The following CD99L2 variants were observed in gnomAD, a reference collection of about 807,000 sequenced individuals.
CD99L2 encodes CD99 molecule like 2.
A neutral mutation model predicts 27.3 loss-of-function variants in CD99L2; 24 were observed. The ratio of observed to expected loss-of-function variants is 0.88; its 90% CI spans 0.64 to 1.24. The LOEUF (loss-of-function observed/expected upper bound fraction) is 1.24. Ranked by LOEUF, CD99L2 falls within the 50% of genes most tolerant of loss-of-function variation. The pLI is 0.00. For synonymous variants in CD99L2, 97 were observed against 87.9 expected, an observed-to-expected ratio of 1.10 and a Z score of -0.58; for missense variants, 255 against 221.6, an observed-to-expected ratio of 1.15 and a Z score of -0.96.
At chrX:150,833,054 CAAA>C (rs371565041) in intron 1 of CD99L2, among the ~76,000 whole-genome samples, 1 of 44,411 alleles carries the variant, frequency 2.3e-5, no homozygotes. Flanking sequence ...GACTCTGTCT[CAAA>C]AAAAAAAAAA....
In CD99L2 at chrX:150,771,870, T is replaced by C. The variant is rs782775158; in HGVS notation, c.656-1501A>G. 41 of 1,139,365 alleles carry C rather than the reference T, an allele frequency of 3.6e-5. No homozygotes were observed. The South Asian group carries it at 7.5e-4, about 21-fold the overall frequency. The allele number at this position is 1,139,365 out of a possible 1,213,427, so 93.9% of individuals were successfully genotyped here. On this transcript the variant is annotated intron_variant, in intron 9 of 10. Transcript: ENST00000370377. ...AGAATCCCTGGAGTAAGAGCGCTCC[T>C]GACAGCAAACATGCGGGCTTTCCAC...
At chrX:150,790,359 AAGC>A (rs1557419685) in intron 7 of CD99L2, among the ~76,000 whole-genome samples, 1 of 109,641 alleles carries the variant, frequency 9.1e-6, no homozygotes, top group Non-Finnish European at 1.9e-5. Context: ...TAATGCCTAC[AAGC>A]AGAAGAACAA....
chrX:150,879,077 G>T (rs184182025), intron 1 of CD99L2, among the ~76,000 whole-genome samples: 1 of 111,876 alleles, frequency 8.9e-6, no homozygotes, highest in East Asian at 2.8e-4. Context: ...GAGGTCACTG[G>T]TATCAATGAT....
chrX:150,866,412 T>C (rs1363607176), intron 1 of CD99L2, among the ~76,000 whole-genome samples: 2 of 111,699 alleles, frequency 1.8e-5, no homozygotes, highest in South Asian at 3.7e-4. Flanking sequence ...ATGTCAATAA[T>C]AAGAGAGGGA....
chrX:150,872,186 G>A (rs941913330), intron 1 of CD99L2, among the ~76,000 whole-genome samples: 1 of 110,868 alleles, frequency 9.0e-6, no homozygotes, highest in Non-Finnish European at 1.9e-5. Flanking sequence ...AGCTGTGATT[G>A]TGCCACTGTA....
intron 1 of CD99L2, among the ~76,000 whole-genome samples, chrX:150,861,678 G>A (rs951899768): frequency 9.0e-5 from 10 of 111,300 alleles, no homozygotes; most frequent in Admixed American, 2.9e-4. Context: ...TGAGGCAGGC[G>A]AATCACAAGG....
At chrX:150,864,173 T>C (rs782405611) in intron 1 of CD99L2, among the ~76,000 whole-genome samples, 8 of 112,033 alleles carry the variant, frequency 7.1e-5, no homozygotes, top group Admixed American at 1.9e-4. Context: ...ACAGGCTTCC[T>C]GGAAGCTAGG....
chrX:150,849,622 C>T (rs1364016089), intron 1 of CD99L2, among the ~76,000 whole-genome samples: 1 of 111,614 alleles, frequency 9.0e-6, no homozygotes, highest in African/African-American at 3.3e-5. Flanking sequence ...GTTGAGGCTG[C>T]AGTGAGCCAT....
intron 6 of CD99L2, among the ~76,000 whole-genome samples, chrX:150,794,935 G>T (rs1266817515): frequency 7.1e-5 from 8 of 112,687 alleles, no homozygotes; most frequent in Non-Finnish European, 1.3e-4. Context: ...TTAAATGTAT[G>T]GGTTTAATGT....
At chrX:150,802,727 A>G (rs1331958360) in intron 4 of CD99L2, among the ~76,000 whole-genome samples, 11 of 97,003 alleles carry the variant, frequency 1.1e-4, no homozygotes, top group Admixed American at 6.7e-4. Context: ...GACTACAGGC[A>G]CCTGCCACCA....
At chrX:150,821,180 A>G (rs887510589) in intron 2 of CD99L2, among the ~76,000 whole-genome samples, 1 of 111,820 alleles carries the variant, frequency 8.9e-6, no homozygotes, top group Non-Finnish European at 1.9e-5. Flanking sequence ...TAATATCCAC[A>G]TGGAATTGCA....
chrX:150,889,764 C>T (rs1216551550), intron 1 of CD99L2, among the ~76,000 whole-genome samples: 4 of 112,444 alleles, frequency 3.6e-5, no homozygotes, highest in African/African-American at 1.3e-4. Flanking sequence ...GTGAGAAGCC[C>T]GAGGTAGAAA....
chrX:150,896,098 G>A (rs946300277), intron 1 of CD99L2, among the ~76,000 whole-genome samples: 17 of 107,573 alleles, frequency 1.6e-4, no homozygotes, highest in African/African-American at 5.4e-4. Flanking sequence ...TCTGGTTTCA[G>A]TTAATTAATT....
intron 1 of CD99L2, among the ~76,000 whole-genome samples, chrX:150,837,737 T>G (rs1405516878): frequency 8.9e-6 from 1 of 112,126 alleles, no homozygotes; most frequent in African/African-American, 3.2e-5. Context: ...AACATAAGTA[T>G]CTACGAGTCC....
chrX:150,824,631 AAGAAGGAGG>A (rs1465415035), intron 2 of CD99L2, among the ~76,000 whole-genome samples: 4 of 94,147 alleles, frequency 4.2e-5, no homozygotes, highest in African/African-American at 4.2e-5. Context: ...GAAGGAGGAG[AAGAAGGAGG>A]AGAAGAAGAA....
Position 150,898,510 on chromosome X carries a change from C to A in CD99L2, c.67+12G>T. The A allele has an allele frequency of 9.1e-7, 1 of 1,104,116 alleles. No homozygotes were observed. The highest frequency in any genetic ancestry group is 1.2e-6 in the Non-Finnish European group (1 of 844,332). The allele number at this position is 1,104,116 out of a possible 1,213,427, so 91.0% of individuals were successfully genotyped here. On this transcript the variant is annotated intron_variant, in intron 1 of 10. Transcript: ENST00000370377. ...CCCCGCGCGGTCCCCGCGCGCCCCC[C>A]GCCCGCCTTACCTCGCTGGACCAGG...
chrX:150,779,070 G>T (rs2045466675), intron 7 of CD99L2, among the ~76,000 whole-genome samples: 1 of 111,667 alleles, frequency 9.0e-6, no homozygotes, highest in Admixed American at 9.5e-5. Flanking sequence ...TCACCTCAAG[G>T]CAGAAGGAAA....
chrX:150,843,176 T>C (rs1185236916), intron 1 of CD99L2, among the ~76,000 whole-genome samples: 5 of 111,876 alleles, frequency 4.5e-5, no homozygotes, highest in Admixed American at 9.5e-5. Context: ...GCAGGGAGAT[T>C]GGCACCTCTC....
At position 150,768,647 on chromosome X, in the gene CD99L2, T is replaced by C. The variant is rs1010523709; in HGVS notation, c.*387A>G. 1.7e-5 allele frequency: 3 copies of C among 173,037 alleles called. No homozygotes were observed. Among genetic ancestry groups the C allele is most frequent in the Non-Finnish European group, 3.2e-5 (3 of 94,096 alleles). The allele number at this position is 173,037 out of a possible 1,213,427, so 14.3% of individuals were successfully genotyped here. Reference sequence around the variant, plus strand: ...CCTGCCACAATGAGCCACTCCAGTGTGCAGGGGTCACAGTCCCTTGAGTTC... The same window carrying C: ...CCTGCCACAATGAGCCACTCCAGTGCGCAGGGGTCACAGTCCCTTGAGTTC... On this transcript the variant is annotated 3_prime_UTR_variant, in exon 11 of 11. Transcript: ENST00000370377.
Sources: allele counts gnomAD v4.1 joint callset (sites outside exome capture counted in the v4.1 genomes callset), GRCh38; gene constraint gnomAD v4.1.1; transcripts MANE v1.5; gene names NCBI Gene and HGNC (gene_info 2026-07-23, HGNC 2026-07-21).